GRIN2A: variants seen among roughly 807,000 people sequenced by gnomAD.
The protein encoded by GRIN2A is glutamate ionotropic receptor NMDA type subunit 2A.
GRIN2A carries 22 observed loss-of-function variants against 113.4 expected under a neutral mutation model. The ratio of observed to expected loss-of-function variants is 0.19; its 90% confidence interval spans 0.14 to 0.28. The LOEUF is 0.28. Ranked by LOEUF, GRIN2A falls within the 10% of genes least tolerant of loss-of-function variation. The pLI is 1.00. For synonymous variants in GRIN2A, 827 were observed against 738.4 expected, an observed-to-expected ratio of 1.12 and a Z score of -1.94; for missense variants, 1,502 against 1,887.0, an observed-to-expected ratio of 0.80 and a Z score of 3.78.
intron 3 of GRIN2A, among the ~76,000 whole-genome samples, chr16:9,900,082 C>T (rs934340455): frequency 6.6e-6 from 1 of 152,202 alleles, no homozygotes; most frequent in Non-Finnish European, 1.5e-5. Flanking sequence ...GTGCTTGGCA[C>T]ATTATGGGTG....
chr16:9,787,698 G>T (rs1567296793), intron 11 of GRIN2A, among the ~76,000 whole-genome samples: 1 of 152,200 alleles, frequency 6.6e-6, no homozygotes, highest in African/African-American at 2.4e-5. Context: ...TCCTTCTCGT[G>T]TTACTTATTA....
At chr16:9,977,109 G>A (rs1289523195) in intron 2 of GRIN2A, among the ~76,000 whole-genome samples, 2 of 152,134 alleles carry the variant, frequency 1.3e-5, no homozygotes, top group African/African-American at 4.8e-5. Context: ...TCAATCTAAA[G>A]CTGGCATGCA....
At chr16:9,960,159 G>A in intron 2 of GRIN2A, among the ~76,000 whole-genome samples, 1 of 152,000 alleles carries the variant, frequency 6.6e-6, no homozygotes, top group East Asian at 1.9e-4. Context: ...ATATAGGAGG[G>A]GCTCAATCAA....
At chr16:10,145,818 TC>T (rs1460147431) in intron 2 of GRIN2A, among the ~76,000 whole-genome samples, 2 of 152,196 alleles carry the variant, frequency 1.3e-5, no homozygotes, top group African/African-American at 4.8e-5. Context: ...TGGGTGCAAT[TC>T]TGTTCTAATA....
chr16:10,103,550 G>A (rs1253486577), intron 2 of GRIN2A, among the ~76,000 whole-genome samples: 2 of 152,168 alleles, frequency 1.3e-5, no homozygotes, highest in East Asian at 1.9e-4. Flanking sequence ...TGTTTTGGGG[G>A]TACAGGGAGA....
intron 2 of GRIN2A, among the ~76,000 whole-genome samples, chr16:10,165,633 T>G (rs1484069214): frequency 7.0e-6 from 1 of 141,984 alleles, no homozygotes; most frequent in Admixed American, 7.3e-5. Flanking sequence ...CTTTCAATGC[T>G]GCTAAACAGG....
intron 2 of GRIN2A, among the ~76,000 whole-genome samples, chr16:9,953,959 A>G (rs540000671): frequency 3.3e-5 from 5 of 152,242 alleles, no homozygotes; most frequent in African/African-American, 1.2e-4. Context: ...CTTCTTCTCA[A>G]ACACAACAGT....
At chr16:9,788,138 A>G (rs1902347759) in intron 11 of GRIN2A, among the ~76,000 whole-genome samples, 1 of 152,044 alleles carries the variant, frequency 6.6e-6, no homozygotes, top group African/African-American at 2.4e-5. Context: ...TGCCTGAACT[A>G]TCACTTAGCA....
chr16:10,091,493 A>C (rs62033427), intron 2 of GRIN2A, among the ~76,000 whole-genome samples: 11 of 139,914 alleles, frequency 7.9e-5, no homozygotes, highest in African/African-American at 2.9e-4. Context: ...CACACACACA[A>C]ACACACAAAA....
chr16:9,941,372 T>C (rs1289218633), intron 2 of GRIN2A, among the ~76,000 whole-genome samples: 1 of 152,180 alleles, frequency 6.6e-6, no homozygotes, highest in Non-Finnish European at 1.5e-5. Context: ...GTTCTCTACA[T>C]GTAGAGAGGA....
At chr16:9,951,097 A>G (rs756057985) in intron 2 of GRIN2A, among the ~76,000 whole-genome samples, 1 of 152,030 alleles carries the variant, frequency 6.6e-6, no homozygotes, top group Non-Finnish European at 1.5e-5. Context: ...TCTCCCATAT[A>G]TTCAGATACC....
intron 12 of GRIN2A, among the ~76,000 whole-genome samples, chr16:9,765,293 G>A (rs1435492569): frequency 6.6e-6 from 1 of 152,068 alleles, no homozygotes; most frequent in Non-Finnish European, 1.5e-5. Context: ...CCAGCACCCG[G>A]GTCACCAATC....
At chr16:9,941,852 G>C (rs2044887147) in intron 2 of GRIN2A, among the ~76,000 whole-genome samples, 1 of 152,036 alleles carries the variant, frequency 6.6e-6, no homozygotes, top group Non-Finnish European at 1.5e-5. Flanking sequence ...TTATTAAGTT[G>C]GCACTAATAG....
intron 2 of GRIN2A, among the ~76,000 whole-genome samples, chr16:10,133,378 C>T (rs138945110): frequency 2.0e-5 from 3 of 152,252 alleles, no homozygotes; most frequent in South Asian, 2.1e-4. Context: ...GAGGCCAAGG[C>T]GGGTGGATCA....
chr16:10,180,673 T>C lies in GRIN2A; in HGVS notation c.-18-244A>G. The C allele has an allele frequency of 1.6e-6, 1 of 623,930 alleles. No individual in the cohort carries two copies. The highest frequency in any genetic ancestry group is 2.8e-5 in the East Asian group (1 of 35,096). 38.6% of individuals were successfully genotyped at this position (623,930 alleles called of 1,614,324 possible). On this transcript the variant is annotated intron_variant, in intron 1 of 12. Transcript: ENST00000330684. This position sits in a 1 kb window ranked among gnomAD's most constrained non-coding sequence, Gnocchi z 7.0. ...CCCCAGCCCCTTCTCGCATCCAGCT[T>C]CCTCATCCCCTGTCTCCAGGCACTT...
intron 2 of GRIN2A, among the ~76,000 whole-genome samples, chr16:10,123,221 T>G (rs58797761): frequency 0.04 from 6,114 of 152,238 alleles, 278 homozygotes; most frequent in African/African-American, 0.11. Context: ...ATCCCTAGAT[T>G]GTGTTTGCCA....
rs1272444746 is a variant in GRIN2A, at chr16:9,806,759, A to AAGAGAAAAAAGGGGGGAAAGAAAG, written c.2169-8319_2169-8296dup. On this transcript the variant is annotated intron_variant, in intron 10 of 12. Coordinates refer to ENST00000330684, the MANE Select transcript of GRIN2A (RefSeq NM_001134407.3). ...AAAGTGAGATATATTGCAAGAAACTAAGAGAAAAAAGGGGGGAAAGAAAGA... is the reference window on the plus strand; with the variant it reads ...AAAGTGAGATATATTGCAAGAAACTAAGAGAAAAAAGGGGGGAAAGAAAGAGAGAAAAAAGGGGGGAAAGAAAGA... Among the ~76,000 whole-genome samples the AAGAGAAAAAAGGGGGGAAAGAAAG allele has an allele frequency of 7.9e-5, 12 of 152,206 alleles. No individual in the cohort carries two copies. In the East Asian group the frequency reaches 2.1e-3, roughly 27 times the overall value.
intron 2 of GRIN2A, among the ~76,000 whole-genome samples, chr16:9,958,841 G>A (rs892580084): frequency 6.6e-6 from 1 of 152,112 alleles, no homozygotes; most frequent in Non-Finnish European, 1.5e-5. Context: ...CTAGAAAATC[G>A]ATACAAGCAT....
intron 4 of GRIN2A, among the ~76,000 whole-genome samples, chr16:9,850,341 C>G (rs2042861690): frequency 6.6e-6 from 1 of 152,168 alleles, no homozygotes; most frequent in Non-Finnish European, 1.5e-5. Context: ...GTACCACTTA[C>G]TAGCTGTACT....
Sources: allele counts gnomAD v4.1 joint callset (sites outside exome capture counted in the v4.1 genomes callset), GRCh38; gene constraint gnomAD v4.1.1; non-coding constraint Gnocchi (gnomAD v3.1); transcripts MANE v1.5; gene names NCBI Gene and HGNC (gene_info 2026-07-23, HGNC 2026-07-21).